The following CRYBB1 variants were observed in gnomAD, a reference collection of about 807,000 sequenced individuals.
The protein encoded by CRYBB1 is beta-crystallin B1.
A neutral mutation model predicts 29.5 loss-of-function variants in CRYBB1; 16 were observed. The ratio of observed to expected loss-of-function variants is 0.54; its 90% CI spans 0.37 to 0.82. The LOEUF (loss-of-function observed/expected upper bound fraction) is 0.82, where lower values mean the gene tolerates loss of function less well. CRYBB1 is among the 40% of genes least tolerant of loss of function. CRYBB1 has a pLI of 0.00. For missense variants in CRYBB1, 300 were observed against 350.5 expected (o/e 0.86, Z 1.15); for synonymous variants, 127 against 136.7 (o/e 0.93, Z 0.49).
chr22:26,608,174 G>T (rs764740759), intron 3 of CRYBB1, among the ~76,000 whole-genome samples, 153 bp from the exon 4 acceptor site: 12 of 152,172 alleles, frequency 7.9e-5, no homozygotes, highest in South Asian at 2.1e-4. Flanking sequence ...TTGATTTTAG[G>T]CTCTGACACT....
chr22:26,607,987 C>G lies in CRYBB1; in HGVS notation c.334G>C (p.Glu112Gln). The change falls in exon 4 of 6, where the codon GAG (glutamate) becomes CAG (glutamine). Residue 112 changes from glutamate (E) to glutamine (Q), a missense_variant. Physicochemically the swap from Glu to Gln is conservative, Grantham distance 29. Transcript: ENST00000647684. Reference protein sequence around the residue: ...VAFEQSNFRGEMFILEKGEYP... With the variant: ...VAFEQSNFRGQMFILEKGEYP... ...TCGCCCTTCTCCAGGATGAACATCT[C>G]CCCGCGGAAGTTGGACTGCTCAAAG... The G allele has an allele frequency of 7.4e-6, 12 of 1,614,206 alleles. No homozygotes were observed. Among genetic ancestry groups the G allele is most frequent in the Non-Finnish European group, 1.0e-5 (12 of 1,180,040 alleles).
chr22:26,599,486 G>A lies in CRYBB1; in HGVS notation c.*4C>T. 6.2e-7 allele frequency: 1 copy of A among 1,608,818 alleles called. No homozygotes were observed. The highest frequency in any genetic ancestry group is 1.7e-5 in the Admixed American group (1 of 59,980). ...GGGGCAAGGTAGCAGAGTGAGGTGTGGACTCACTTGGGGGGCTCTGTGGCC... is the reference window on the plus strand; with the variant it reads ...GGGGCAAGGTAGCAGAGTGAGGTGTAGACTCACTTGGGGGGCTCTGTGGCC... On this transcript the variant is annotated 3_prime_UTR_variant, in exon 6 of 6. Coordinates refer to ENST00000647684, the MANE Select transcript of CRYBB1 (RefSeq NM_001887.4).
intron 4 of CRYBB1, among the ~76,000 whole-genome samples, chr22:26,605,902 A>T (rs544441119): frequency 6.6e-6 from 1 of 152,298 alleles, no homozygotes; most frequent in Non-Finnish European, 1.5e-5. Flanking sequence ...AGAGAGAGGA[A>T]GGGTTAGACC....
chr22:26,605,171 A>G (rs915016881), intron 4 of CRYBB1, among the ~76,000 whole-genome samples: 1 of 152,100 alleles, frequency 6.6e-6, no homozygotes, highest in African/African-American at 2.4e-5. Flanking sequence ...CTCTAACAAT[A>G]TCTGAGCCCC....
Position 26,599,609 on chromosome 22 carries a change from G to A in CRYBB1, c.640C>T (p.Arg214Trp), listed in dbSNP as rs140643436. Reference sequence around the variant, plus strand: ...AAGGCTCCCCACTCATTCCAGTGCCGGAAGTCACCAGGCTCTAGGAGGTAC... The same window carrying A: ...AAGGCTCCCCACTCATTCCAGTGCCAGAAGTCACCAGGCTCTAGGAGGTAC... ...YQYLLEPGDF[R>W]HWNEWGAFQP... The change falls in exon 6 of 6, where the codon CGG (arginine) becomes TGG (tryptophan). Residue 214 changes from arginine (R) to tryptophan (W), a missense_variant. Physicochemically the swap from Arg to Trp is moderately radical, Grantham distance 101. Coordinates refer to ENST00000647684, the MANE Select transcript of CRYBB1 (RefSeq NM_001887.4). 114 of 1,614,002 alleles carry A rather than the reference G, an allele frequency of 7.1e-5. No homozygotes were observed. Among genetic ancestry groups the A allele is most frequent in the East Asian group, 8.9e-5 (4 of 44,898 alleles).
At chr22:26,616,844 C>G (rs1453638798) in intron 1 of CRYBB1, among the ~76,000 whole-genome samples, 1 of 152,234 alleles carries the variant, frequency 6.6e-6, no homozygotes, top group African/African-American at 2.4e-5. Flanking sequence ...GGGCCCAGCT[C>G]AGGCCCAAAC....
intron 4 of CRYBB1, among the ~76,000 whole-genome samples, chr22:26,605,207 T>C (rs112040374): frequency 6.6e-5 from 10 of 152,188 alleles, no homozygotes; most frequent in Non-Finnish European, 1.5e-4. Flanking sequence ...CTTTCCTAGT[T>C]AGATTGCATG....
chr22:26,612,301 T>G (rs1569207004), intron 2 of CRYBB1, 111 bp from the exon 3 acceptor site: 3 of 719,284 alleles, frequency 4.2e-6, no homozygotes, highest in African/African-American at 1.8e-5. Context: ...AAAAGTGTGA[T>G]GAGCCACAGT....
chr22:26,611,465 T>C (rs1171404984), intron 3 of CRYBB1, among the ~76,000 whole-genome samples: 1 of 136,402 alleles, frequency 7.3e-6, no homozygotes, highest in Non-Finnish European at 1.6e-5. Flanking sequence ...TTTTTTTTTT[T>C]TTTGTTTTTT....
chr22:26,605,707 G>A (rs1602323421), intron 4 of CRYBB1, among the ~76,000 whole-genome samples: 1 of 144,870 alleles, frequency 6.9e-6, no homozygotes. Context: ...AATAGAAACA[G>A]GCCAACCAAA....
chr22:26,605,291 C>T (rs773196102), intron 4 of CRYBB1, among the ~76,000 whole-genome samples: 2 of 152,138 alleles, frequency 1.3e-5, no homozygotes, highest in Non-Finnish European at 2.9e-5. Context: ...TAGCTGCCTC[C>T]CTGGGTAGCT....
chr22:26,609,035 C>A (rs1929073835), intron 3 of CRYBB1, among the ~76,000 whole-genome samples: 1 of 152,124 alleles, frequency 6.6e-6, no homozygotes, highest in Non-Finnish European at 1.5e-5. Flanking sequence ...ATAAGACAAT[C>A]CCCATTCCGT....
At chr22:26,612,045 T>C in intron 3 of CRYBB1, 27 bp downstream of exon 3, 1 of 1,494,424 alleles carries the variant, frequency 6.7e-7, no homozygotes, top group Non-Finnish European at 9.3e-7. Flanking sequence ...TGGCAGAGAG[T>C]GTGCCCCTCC....
In CRYBB1 at chr22:26,616,194, T is replaced by TA. The variant is rs1216419489; in HGVS notation, c.125_126insT (p.Thr43AsnfsTer63). ...CCTTGGCGCTGGTAATAGGCACGGT[T>TA]GTTGGGGCCAGGGTAGTGCCGGGAC... On this transcript the variant is annotated frameshift_variant, in exon 2 of 6. Transcript: ENST00000647684. LOFTEE classifies it high-confidence loss of function. The TA allele has an allele frequency of 1.9e-6, 3 of 1,614,054 alleles. No individual in the cohort carries two copies. The highest frequency in any genetic ancestry group is 2.5e-6 in the Non-Finnish European group (3 of 1,180,024).
chr22:26,601,714 A>T (rs919243955), intron 5 of CRYBB1, among the ~76,000 whole-genome samples, 165 bp downstream of exon 5: 2 of 151,346 alleles, frequency 1.3e-5, no homozygotes, highest in Non-Finnish European at 2.9e-5. Flanking sequence ...TATTCCCCAG[A>T]GGAATAGAGC....
chr22:26,608,241 T>C (rs577488322), intron 3 of CRYBB1, among the ~76,000 whole-genome samples: 1 of 152,318 alleles, frequency 6.6e-6, no homozygotes, highest in South Asian at 2.1e-4. Flanking sequence ...TTGTTTCTCA[T>C]CTACACTCAT....
intron 2 of CRYBB1, among the ~76,000 whole-genome samples, chr22:26,614,457 G>A (rs1282160127): frequency 6.6e-6 from 1 of 152,156 alleles, no homozygotes; most frequent in Admixed American, 6.5e-5. Context: ...CAGGTTCCCC[G>A]ATACCAGGAG....
chr22:26,610,937 G>C (rs575505394), intron 3 of CRYBB1, among the ~76,000 whole-genome samples: 22 of 152,298 alleles, frequency 1.4e-4, no homozygotes, highest in African/African-American at 5.1e-4. Context: ...ACCCTTGCAG[G>C]CTTTCAAAGT....
chr22:26,616,295 C>A lies in CRYBB1; in HGVS notation c.25G>T (p.Ala9Ser). 27 of 1,613,966 alleles carry A rather than the reference C, an allele frequency of 1.7e-5. No homozygotes were observed. Among genetic ancestry groups the A allele is most frequent in the Non-Finnish European group, 2.3e-5 (27 of 1,179,968 alleles). Reference sequence around the variant, plus strand: ...GGGTTCACCGCCACTGTGGCCGAGGCCGAGGCCTTTGCAGCCTGAGACATG... The same window carrying A: ...GGGTTCACCGCCACTGTGGCCGAGGACGAGGCCTTTGCAGCCTGAGACATG... MSQAAKASASATVAVNPGP... is the reference protein window; with the variant it reads MSQAAKASSSATVAVNPGP... The change falls in exon 2 of 6, where the codon GCC becomes TCC. Residue 9 changes from alanine to serine, a missense_variant. Ala to Ser is a moderately conservative substitution (Grantham distance 99). Transcript: ENST00000647684.
Sources: allele counts gnomAD v4.1 joint callset (sites outside exome capture counted in the v4.1 genomes callset), GRCh38; gene constraint gnomAD v4.1.1; transcripts MANE v1.5; gene names NCBI Gene and HGNC (gene_info 2026-07-23, HGNC 2026-07-21).